The following BORCS5 variants were observed in gnomAD, a reference collection of about 807,000 sequenced individuals.
The protein encoded by BORCS5 is BLOC-1 related complex subunit 5.
Under a neutral mutation model 22.1 loss-of-function variants are expected in BORCS5, and 17 were observed. The ratio of observed to expected loss-of-function variants is 0.77; its 90% CI spans 0.53 to 1.15. The LOEUF (loss-of-function observed/expected upper bound fraction) is 1.15, where lower values mean the gene tolerates loss of function less well. BORCS5 is among the 50% of genes most tolerant of loss of function. The probability of loss-of-function intolerance (pLI) is 0.00; values close to 1 mark genes in which losing one functional copy is unlikely to be tolerated. For synonymous variants in BORCS5, 117 were observed against 99.8 expected (o/e 1.17, Z -1.03); for missense variants, 247 against 253.2 (o/e 0.98, Z 0.17).
At chr12:12,412,679 G>C (rs1052326473) in intron 2 of BORCS5, among the ~76,000 whole-genome samples, 1 of 152,034 alleles carries the variant, frequency 6.6e-6, no homozygotes, top group African/African-American at 2.4e-5. Context: ...GTGAAAACAG[G>C]CATCCTTGCT....
In BORCS5 at chr12:12,469,352, G is replaced by A. The variant is rs145434698; in HGVS notation, c.*3576G>A. On this transcript the variant is annotated 3_prime_UTR_variant, in exon 4 of 4. Coordinates refer to ENST00000314565, the MANE Select transcript of BORCS5 (RefSeq NM_058169.6). ...GCCTGGGTAACAAGAGTGAAACTCCGTTTAGAAATGAGTTTAGTCTGGGAG... is the reference window on the plus strand; with the variant it reads ...GCCTGGGTAACAAGAGTGAAACTCCATTTAGAAATGAGTTTAGTCTGGGAG... 5.3e-5 allele frequency: 8 copies of A among 152,282 alleles called. No homozygotes were observed. Among genetic ancestry groups the A allele is most frequent in the African/African-American group, 1.2e-4 (5 of 41,566 alleles). The allele number at this position is 152,282 out of a possible 1,614,324, so 9.4% of individuals were successfully genotyped here.
chr12:12,428,177 G>A (rs74062538), intron 2 of BORCS5, among the ~76,000 whole-genome samples: 231 of 152,246 alleles, frequency 1.5e-3, no homozygotes, highest in African/African-American at 5.1e-3. Context: ...TAAGGAATTC[G>A]GTTTGGTAAT....
In BORCS5 at chr12:12,435,853, C is replaced by T. The variant is rs1024778813; in HGVS notation, c.360+68C>T. 4.1e-6 allele frequency: 6 copies of T among 1,473,646 alleles called. No homozygotes were observed. In the African/African-American group the frequency reaches 8.4e-5, roughly 21 times the overall value. The allele number at this position is 1,473,646 out of a possible 1,614,324, so 91.3% of individuals were successfully genotyped here. The stretch of plus-strand genomic sequence containing the variant: ...GATTCTCTGCAACTCTGGATGCCAT[C>T]TTAAGACTTGACATTTGTCACTATT... On this transcript the variant is annotated intron_variant, in intron 3 of 3. Transcript: ENST00000314565.
chr12:12,413,955 C>T lies in BORCS5; in HGVS notation c.203-21673C>T, dbSNP rs530453466. Among the ~76,000 whole-genome samples, 9 of 58,410 alleles carry T rather than the reference C, an allele frequency of 1.5e-4. 1 individual carries two copies. The highest frequency in any genetic ancestry group is 2.8e-4 in the Non-Finnish European group (8 of 28,708). The allele number at this position is 58,410 out of a possible 152,430, so 38.3% of individuals were successfully genotyped here. A position where few individuals can be genotyped will look rare whatever the true frequency, so the allele number is the denominator to read the frequency against. On this transcript the variant is annotated intron_variant, in intron 2 of 3. Coordinates refer to ENST00000314565, the MANE Select transcript of BORCS5 (RefSeq NM_058169.6). Reference sequence around the variant, plus strand: ...GGGGCTGACCCCCCCACCTCCCTCCCGGACGGGGCGGCTGGCCGGGCAGAG... The same window carrying T: ...GGGGCTGACCCCCCCACCTCCCTCCTGGACGGGGCGGCTGGCCGGGCAGAG...
intron 2 of BORCS5, among the ~76,000 whole-genome samples, chr12:12,418,203 T>G (rs982470545): frequency 1.4e-5 from 2 of 148,106 alleles, no homozygotes; most frequent in African/African-American, 2.5e-5. Flanking sequence ...TTTTTTTTGT[T>G]TTTTTTTTTG....
chr12:12,367,302 C>G (rs142991198), intron 2 of BORCS5, among the ~76,000 whole-genome samples: 6 of 152,344 alleles, frequency 3.9e-5, no homozygotes, highest in African/African-American at 1.4e-4. Context: ...AGATGTCTGC[C>G]TCTACCAGCT....
intron 2 of BORCS5, among the ~76,000 whole-genome samples, chr12:12,392,803 TG>T (rs1941230179): frequency 6.6e-6 from 1 of 152,174 alleles, no homozygotes; most frequent in African/African-American, 2.4e-5. Flanking sequence ...ATCTCAGTTC[TG>T]ATCACTGGGA....
intron 2 of BORCS5, among the ~76,000 whole-genome samples, chr12:12,420,839 A>G (rs1369990222): frequency 6.6e-6 from 1 of 152,122 alleles, no homozygotes; most frequent in African/African-American, 2.4e-5. Context: ...TTCACTCATA[A>G]TTTGGCTGTT....
intron 2 of BORCS5, among the ~76,000 whole-genome samples, chr12:12,369,712 CTTTTTTTTTTTTTTTTTTT>C (rs71061052): frequency 1.4e-4 from 6 of 42,956 alleles, no homozygotes; most frequent in Non-Finnish European, 1.9e-4. Context: ...CCCCCCACTT[CTTTTTTTTTTTTTTTTTTT>C]TTTTTTTTTT....
intron 2 of BORCS5, among the ~76,000 whole-genome samples, chr12:12,429,923 A>G (rs922254793): frequency 1.3e-5 from 2 of 152,156 alleles, no homozygotes; most frequent in African/African-American, 4.8e-5. Flanking sequence ...GCTCTTAGGC[A>G]TATATGCAGC....
chr12:12,414,048 C>T (rs1388370148), intron 2 of BORCS5, among the ~76,000 whole-genome samples: 2 of 77,226 alleles, frequency 2.6e-5, no homozygotes, highest in Non-Finnish European at 5.3e-5. Flanking sequence ...GGGCGGCTGG[C>T]CAGGCGGGGG....
intron 2 of BORCS5, 24 bp from the exon 3 acceptor site, chr12:12,435,604 A>G: frequency 6.3e-7 from 1 of 1,587,364 alleles, no homozygotes; most frequent in East Asian, 2.3e-5. Context: ...TTTTAATTTC[A>G]TTTCATTTTT....
chr12:12,411,558 G>C (rs934531141), intron 2 of BORCS5, among the ~76,000 whole-genome samples: 2 of 151,940 alleles, frequency 1.3e-5, no homozygotes, highest in African/African-American at 4.8e-5. Flanking sequence ...CATTTTGTGG[G>C]CTGCCTTTTT....
At chr12:12,403,621 CAG>C (rs965548582) in intron 2 of BORCS5, among the ~76,000 whole-genome samples, 1 of 152,070 alleles carries the variant, frequency 6.6e-6, no homozygotes, top group African/African-American at 2.4e-5. Flanking sequence ...GCTTTAGAAA[CAG>C]GGAGAAAGGT....
intron 3 of BORCS5, 49 bp downstream of exon 3, chr12:12,435,834 C>G (rs2136125263): frequency 6.4e-7 from 1 of 1,564,234 alleles, no homozygotes; most frequent in Non-Finnish European, 8.7e-7. Context: ...TTGTGATTCT[C>G]TGCAACTCTG....
intron 2 of BORCS5, among the ~76,000 whole-genome samples, chr12:12,376,656 A>T: frequency 6.6e-6 from 1 of 152,256 alleles, no homozygotes; most frequent in East Asian, 1.9e-4. Context: ...AGGAAAAAAT[A>T]AATCCAACAG....
chr12:12,437,966 C>A (rs956808310), intron 3 of BORCS5, among the ~76,000 whole-genome samples: 1 of 151,982 alleles, frequency 6.6e-6, no homozygotes. Flanking sequence ...TCAGCTCAAG[C>A]GATCCTCCCG....
At chr12:12,364,514 G>A (rs1337333705) in intron 2 of BORCS5, among the ~76,000 whole-genome samples, 1 of 152,228 alleles carries the variant, frequency 6.6e-6, no homozygotes, top group South Asian at 2.1e-4. Context: ...CTGTCTTAGG[G>A]GTGGCAGAGG....
In BORCS5 at chr12:12,461,462, G is replaced by A. The variant is rs190182354; in HGVS notation, c.361-4084G>A. On this transcript the variant is annotated intron_variant, in intron 3 of 3. Transcript: ENST00000314565. ...ACTGAGATGACAAGCATGAACCACC[G>A]CACCTGGCCAGCATTCCTATCTGTC... Among the ~76,000 whole-genome samples the A allele has an allele frequency of 5.6e-3, 846 of 152,116 alleles. 6 individuals carry two copies. The highest frequency in any genetic ancestry group is 0.017 in the Middle Eastern group (5 of 294).
Sources: gnomAD v4.1 joint callset for allele counts (sites outside exome capture counted in the v4.1 genomes callset) on GRCh38, gnomAD v4.1.1 for gene constraint, MANE v1.5 for transcripts, NCBI Gene and HGNC (gene_info 2026-07-23, HGNC 2026-07-21) for gene names.